Variants in ADAM12 observed in about 807,000 individuals in gnomAD.
ADAM12 encodes the protein disintegrin and metalloproteinase domain-containing protein 12.
A neutral mutation model predicts 106.4 loss-of-function variants in ADAM12; 70 were observed. That is an observed-to-expected ratio of 0.66 (90% CI 0.54 to 0.80). The LOEUF is 0.80. Ranked by LOEUF, ADAM12 falls within the 30% of genes least tolerant of loss-of-function variation. ADAM12 has a pLI of 0.00. For missense variants in ADAM12, 1,010 were observed against 1,171.9 expected, an observed-to-expected ratio of 0.86 and a Z score of 2.02; for synonymous variants, 420 against 433.5, an observed-to-expected ratio of 0.97 and a Z score of 0.39.
At chr10:126,081,100 G>GA (rs1395839956) in intron 11 of ADAM12, among the ~76,000 whole-genome samples, 1 of 151,908 alleles carries the variant, frequency 6.6e-6, no homozygotes, top group African/African-American at 2.4e-5. Context: ...TGGATTCAAG[G>GA]GGGCTGCAGG....
At chr10:126,173,436 G>T (rs905673482) in intron 3 of ADAM12, among the ~76,000 whole-genome samples, 1 of 152,024 alleles carries the variant, frequency 6.6e-6, no homozygotes, top group East Asian at 1.9e-4. Flanking sequence ...GTGCTGGGGG[G>T]CTGTCCTGTG....
Position 126,049,731 on chromosome 10 carries a change from G to A in ADAM12, c.1610-62C>T. ...AGGTGATTTTTTTTTTTTCATGGCT[G>A]TAGGCCTCTCAAATGGTTACGGGGA... On this transcript the variant is annotated intron_variant, in intron 14 of 22. Coordinates refer to ENST00000448723, the MANE Select transcript of ADAM12 (RefSeq NM_001288973.2). This position sits in a 1 kb window ranked among gnomAD's most constrained non-coding sequence, Gnocchi z 4.4. 7.0e-7 allele frequency: 1 copy of A among 1,420,568 alleles called. No homozygotes were observed. Among genetic ancestry groups the A allele is most frequent in the South Asian group, 1.2e-5 (1 of 83,410 alleles). 88.0% of individuals were successfully genotyped at this position (1,420,568 alleles called of 1,614,324 possible). A position where few individuals can be genotyped will look rare whatever the true frequency, so the allele number is the denominator to read the frequency against.
At position 126,016,551 on chromosome 10, in the gene ADAM12, C is replaced by T. The variant is rs1488869955; in HGVS notation, c.*728G>A. 7 of 152,300 alleles carry T rather than the reference C, an allele frequency of 4.6e-5. No individual in the cohort carries two copies. The highest frequency in any genetic ancestry group is 1.0e-4 in the Non-Finnish European group (7 of 68,114). The allele number at this position is 152,300 out of a possible 1,614,324, so 9.4% of individuals were successfully genotyped here. A position where few individuals can be genotyped will look rare whatever the true frequency, so the allele number is the denominator to read the frequency against. ...TCAAGCACCGCCTTGAGTGACACTA[C>T]AGACCCCTTCCAAACATGCTCACGG... On this transcript the variant is annotated 3_prime_UTR_variant, in exon 23 of 23. Transcript: ENST00000448723.
chr10:126,286,769 CATAA>C (rs1188173534), intron 2 of ADAM12, among the ~76,000 whole-genome samples: 8 of 152,146 alleles, frequency 5.3e-5, no homozygotes, highest in African/African-American at 1.9e-4. Flanking sequence ...TTTGTTATTA[CATAA>C]ATAATGATAA....
At chr10:126,260,394 A>C (rs1430820749) in intron 3 of ADAM12, among the ~76,000 whole-genome samples, 2 of 152,228 alleles carry the variant, frequency 1.3e-5, no homozygotes, top group South Asian at 2.1e-4. Context: ...CAAACACTTA[A>C]AATTTCTATA....
chr10:126,120,394 G>T (rs1956063158), intron 5 of ADAM12, among the ~76,000 whole-genome samples: 1 of 152,184 alleles, frequency 6.6e-6, no homozygotes, highest in African/African-American at 2.4e-5. Context: ...ATAATTTTAG[G>T]GGGTGAGTAA....
At chr10:126,309,372 T>C (rs2133812998) in intron 2 of ADAM12, among the ~76,000 whole-genome samples, 1 of 152,314 alleles carries the variant, frequency 6.6e-6, no homozygotes, top group South Asian at 2.1e-4. Context: ...TGGGAACACT[T>C]GTTGAGTCAC....
At chr10:126,063,845 C>T (rs1391442838) in intron 14 of ADAM12, among the ~76,000 whole-genome samples, 1 of 152,170 alleles carries the variant, frequency 6.6e-6, no homozygotes, top group African/African-American at 2.4e-5. Context: ...TCTCTGACCC[C>T]AGAAGGTGGG....
chr10:126,250,331 C>T (rs1441815503), intron 3 of ADAM12, among the ~76,000 whole-genome samples: 1 of 152,048 alleles, frequency 6.6e-6, no homozygotes, highest in African/African-American at 2.4e-5. Context: ...TAAGATAAAC[C>T]ACTGGGGACA....
chr10:126,191,477 A>G (rs1457134186), intron 3 of ADAM12, among the ~76,000 whole-genome samples: 1 of 151,556 alleles, frequency 6.6e-6, no homozygotes, highest in Non-Finnish European at 1.5e-5. Context: ...GGTTCAGCGC[A>G]GGGTCACTGG....
At chr10:126,241,124 G>A (rs1273351471) in intron 3 of ADAM12, among the ~76,000 whole-genome samples, 1 of 152,198 alleles carries the variant, frequency 6.6e-6, no homozygotes, top group African/African-American at 2.4e-5. Context: ...GACACAAGGG[G>A]ACATGTACTA....
chr10:126,023,519 G>T (rs952221598), intron 21 of ADAM12, among the ~76,000 whole-genome samples: 3 of 152,112 alleles, frequency 2.0e-5, no homozygotes, highest in African/African-American at 7.2e-5. Context: ...AAGACATATG[G>T]GCAGAAACCA....
chr10:126,067,101 C>G, intron 12 of ADAM12: 1 of 387,758 alleles, frequency 2.6e-6, no homozygotes, highest in South Asian at 2.6e-5. Context: ...CAGCAGTACA[C>G]TGGGGCTCTG....
chr10:126,168,634 T>C (rs889970950), intron 3 of ADAM12, among the ~76,000 whole-genome samples: 3 of 152,194 alleles, frequency 2.0e-5, no homozygotes, highest in Admixed American at 6.5e-5. Context: ...TTTTCACTCT[T>C]GAAACATTTA....
intron 21 of ADAM12, among the ~76,000 whole-genome samples, chr10:126,023,153 C>T (rs1232380603): frequency 1.3e-5 from 2 of 152,136 alleles, no homozygotes; most frequent in Non-Finnish European, 2.9e-5. Context: ...GGGGCGGCAT[C>T]AATATGTTTC....
intron 1 of ADAM12, among the ~76,000 whole-genome samples, chr10:126,378,577 T>A (rs1856377263): frequency 6.6e-6 from 1 of 152,210 alleles, no homozygotes. Context: ...GGTATGTGTG[T>A]GTGTACACAC....
Position 126,064,629 on chromosome 10 carries a change from C to A in ADAM12, c.1609+177G>T. The stretch of plus-strand genomic sequence containing the variant: ...GTGTCCATTTCTGTGCACCCCATGC[C>A]CAGTGCGGCCTCAGACCCTCCCTGG... On this transcript the variant is annotated intron_variant, in intron 14 of 22. Coordinates refer to ENST00000448723, the MANE Select transcript of ADAM12 (RefSeq NM_001288973.2). The surrounding 1 kb of genome is among the most constrained non-coding windows in gnomAD (Gnocchi z 4.4). 1.5e-6 allele frequency: 1 copy of A among 655,634 alleles called. No individual in the cohort carries two copies. The highest frequency in any genetic ancestry group is 2.6e-6 in the Non-Finnish European group (1 of 389,718). The allele number at this position is 655,634 out of a possible 1,614,324, so 40.6% of individuals were successfully genotyped here.
rs1301031477 is a variant in ADAM12 at position 126,038,317 on chromosome 10, A to C, written c.2273T>G (p.Phe758Cys). The C allele has an allele frequency of 6.2e-7, 1 of 1,608,808 alleles. No individual in the cohort carries two copies. The highest frequency in any genetic ancestry group is 8.5e-7 in the Non-Finnish European group (1 of 1,176,982). Residue 758 changes from phenylalanine to cysteine, a missense_variant, in exon 20 of 23, where the codon TTC becomes TGC. This residue lies in a region of ADAM12 where 615 missense variants were observed against 708.5 expected (regional missense o/e 0.87). Transcript: ENST00000448723. ...CVRPSRPPRGFQPCQAHLGHL... is the reference protein window; with the variant it reads ...CVRPSRPPRGCQPCQAHLGHL... ...GCCGAGGTGAGCCTGACAGGGTTGGAAGCCACGGGGTGGCCGGGAAGGGCG... is the reference window on the plus strand; with the variant it reads ...GCCGAGGTGAGCCTGACAGGGTTGGCAGCCACGGGGTGGCCGGGAAGGGCG...
intron 3 of ADAM12, among the ~76,000 whole-genome samples, chr10:126,184,974 C>G (rs73380557): frequency 0.015 from 2,277 of 152,294 alleles, 68 homozygotes; most frequent in African/African-American, 0.052. Context: ...ATTTAGAGAC[C>G]AAGCCAACAT....
Sources: gnomAD v4.1 joint callset for allele counts (sites outside exome capture counted in the v4.1 genomes callset) on GRCh38, gnomAD v4.1.1 for gene constraint, gnomAD v4.1.1 regional missense constraint, Gnocchi (gnomAD v3.1) non-coding constraint, MANE v1.5 for transcripts, NCBI Gene and HGNC (gene_info 2026-07-23, HGNC 2026-07-21) for gene names.